The following TMC2 variants were observed in gnomAD, a reference collection of about 807,000 sequenced individuals.
The protein encoded by TMC2 is transmembrane channel like 2.
In TMC2, 102 loss-of-function variants were observed where a neutral mutation model predicts 105.9. That is an observed-to-expected ratio of 0.96 (90% confidence interval 0.82 to 1.14). The LOEUF is 1.14. Among genes scored for constraint, TMC2 ranks in the 50% most tolerant of loss-of-function variants. The probability of loss-of-function intolerance (pLI) is 0.00; values close to 1 mark genes in which losing one functional copy is unlikely to be tolerated. For missense variants in TMC2, 1,093 were observed against 1,134.3 expected, an observed-to-expected ratio of 0.96 and a Z score of 0.52; for synonymous variants, 402 against 422.8, an observed-to-expected ratio of 0.95 and a Z score of 0.60.
chr20:2,608,840 A>C (rs2086413568), intron 11 of TMC2, among the ~76,000 whole-genome samples: 2 of 152,196 alleles, frequency 1.3e-5, no homozygotes, highest in African/African-American at 4.8e-5. Context: ...TTAACTTATT[A>C]TGGAATTATT....
rs552676746 is a variant in TMC2, at chr20:2,614,323, A to G, written c.1872+1001A>G. On this transcript the variant is annotated intron_variant, in intron 14 of 19. Coordinates refer to ENST00000358864, the MANE Select transcript of TMC2 (RefSeq NM_080751.3). ...GAAAAAATATTTAAAAAGAAGAATA[A>G]GGCCAGGTATGGTGGCTCACACCTG... 2.0e-5 allele frequency among the ~76,000 whole-genome samples: 3 copies of G among 152,364 alleles called. 1 individual carries two copies. Among genetic ancestry groups the G allele is most frequent in the East Asian group, 3.9e-4 (2 of 5,192 alleles).
intron 11 of TMC2, among the ~76,000 whole-genome samples, chr20:2,609,045 A>G (rs1326258721): frequency 2.6e-5 from 4 of 152,224 alleles, no homozygotes; most frequent in Non-Finnish European, 5.9e-5. Context: ...TCATAGCACT[A>G]TGGCAGGGTA....
At chr20:2,537,993 CTT>C in intron 2 of TMC2, among the ~76,000 whole-genome samples, 1 of 152,208 alleles carries the variant, frequency 6.6e-6, no homozygotes, top group South Asian at 2.1e-4. Context: ...AAACCAGAAT[CTT>C]GGGGAGTGAT....
intron 11 of TMC2, among the ~76,000 whole-genome samples, chr20:2,603,723 G>A: frequency 6.6e-6 from 1 of 152,200 alleles, no homozygotes; most frequent in East Asian, 1.9e-4. Flanking sequence ...CCAATTTTAA[G>A]TGAAAGCCTG....
chr20:2,576,820 G>A (rs77467600), intron 5 of TMC2, among the ~76,000 whole-genome samples: 4,645 of 151,942 alleles, frequency 0.031, 238 homozygotes, highest in African/African-American at 0.1. Context: ...AGTACTCAAG[G>A]CAAATGCTCT....
intron 7 of TMC2, among the ~76,000 whole-genome samples, chr20:2,589,445 C>T (rs1270474948): frequency 1.3e-5 from 2 of 151,936 alleles, no homozygotes; most frequent in Non-Finnish European, 2.9e-5. Context: ...ATTCTTCAGC[C>T]CTTTGACTAT....
intron 5 of TMC2, 31 bp from the exon 6 acceptor site, chr20:2,579,115 G>A: frequency 7.9e-7 from 1 of 1,264,312 alleles, no homozygotes; most frequent in Non-Finnish European, 1.2e-6. Context: ...GACATGTTAA[G>A]GAACTGAGAG....
chr20:2,626,058 G>C (rs2146259780), intron 17 of TMC2, among the ~76,000 whole-genome samples: 1 of 152,210 alleles, frequency 6.6e-6, no homozygotes, highest in Non-Finnish European at 1.5e-5. Flanking sequence ...CAGACATGTG[G>C]ATGAAAAATT....
In TMC2 at chr20:2,608,295, T is replaced by TTTTA. The variant is rs1219872523; in HGVS notation, c.1414-2117_1414-2114dup. Among the ~76,000 whole-genome samples the TTTTA allele has an allele frequency of 8.2e-4, 108 of 132,246 alleles. 1 individual carries two copies. Among genetic ancestry groups the TTTTA allele is most frequent in the Middle Eastern group, 3.8e-3 (1 of 262 alleles). The allele number at this position is 132,246 out of a possible 152,430, so 86.8% of individuals were successfully genotyped here. On this transcript the variant is annotated intron_variant, in intron 11 of 19. Coordinates refer to ENST00000358864, the MANE Select transcript of TMC2 (RefSeq NM_080751.3). ...CTTACCTTCCCAGTTGTACCCTTAT[T>TTTTA]TTTATTTATTATTATTATTATTATT... is the stretch of plus-strand genomic sequence containing the variant.
At chr20:2,598,112 G>A (rs1317879367) in intron 10 of TMC2, among the ~76,000 whole-genome samples, 1 of 151,926 alleles carries the variant, frequency 6.6e-6, no homozygotes, top group Non-Finnish European at 1.5e-5. Flanking sequence ...CAACACTGAT[G>A]GCTGCGCCAA....
At chr20:2,541,554 T>A (rs2085889790) in intron 2 of TMC2, among the ~76,000 whole-genome samples, 1 of 150,694 alleles carries the variant, frequency 6.6e-6, no homozygotes, top group South Asian at 2.1e-4. Flanking sequence ...GGCACAAGAA[T>A]CTCTTGAATC....
chr20:2,540,970 G>A (rs1415763462), intron 2 of TMC2, among the ~76,000 whole-genome samples: 5 of 152,020 alleles, frequency 3.3e-5, no homozygotes, highest in African/African-American at 7.3e-5. Context: ...CACCCGGGAC[G>A]CAGCTCTGCC....
At chr20:2,570,751 A>G (rs1298909158) in intron 4 of TMC2, among the ~76,000 whole-genome samples, 1 of 152,176 alleles carries the variant, frequency 6.6e-6, no homozygotes, top group African/African-American at 2.4e-5. Flanking sequence ...TTCAAACTAT[A>G]CTATGAGGCT....
rs60192792 is a variant in TMC2 at position 2,616,169 on chromosome 20, T to C, written c.1905T>C (p.Asn635=). ...ATGCTGAGTTTGATATTAGTGGAAA[T>C]GTGCTGGGTTTGATCTTCAACCAAG... ...PSYAEFDISG[N]VLGLIFNQGM... The change falls in exon 15 of 20, where the codon AAT becomes AAC. Residue 635 remains asparagine (N), a synonymous_variant. Coordinates refer to ENST00000358864, the MANE Select transcript of TMC2 (RefSeq NM_080751.3). This position sits in a 1 kb window ranked among gnomAD's most constrained non-coding sequence, Gnocchi z 4.8. 1.9e-4 allele frequency: 314 copies of C among 1,613,662 alleles called. No homozygotes were observed. In the African/African-American group the frequency reaches 3.6e-3, roughly 19 times the overall value.
chr20:2,639,232 C>T (rs1473689311), intron 19 of TMC2, among the ~76,000 whole-genome samples: 3 of 152,272 alleles, frequency 2.0e-5, no homozygotes, highest in Non-Finnish European at 2.9e-5. Context: ...AACCTAAGTG[C>T]GCAGTGTTTA....
chr20:2,641,632 C>T lies in TMC2; in HGVS notation c.*281C>T, dbSNP rs1434189954. Reference sequence around the variant, plus strand: ...CTCTGAACCCCACGCTCACAGTGGTCGACCTTGCCTCCCGATTTTCGGAGT... The same window carrying T: ...CTCTGAACCCCACGCTCACAGTGGTTGACCTTGCCTCCCGATTTTCGGAGT... On this transcript the variant is annotated 3_prime_UTR_variant, in exon 20 of 20. Transcript: ENST00000358864. 2 of 364,810 alleles carry T rather than the reference C, an allele frequency of 5.5e-6. No homozygotes were observed. The highest frequency in any genetic ancestry group is 4.6e-5 in the East Asian group (1 of 21,966). The allele number at this position is 364,810 out of a possible 1,614,324, so 22.6% of individuals were successfully genotyped here.
At chr20:2,621,239 G>C (rs970436645) in intron 16 of TMC2, among the ~76,000 whole-genome samples, 18 of 151,976 alleles carry the variant, frequency 1.2e-4, no homozygotes, top group African/African-American at 3.9e-4. Flanking sequence ...GTGCGTGCCT[G>C]TAATCCCAGC....
chr20:2,555,229 C>T (rs767446336), intron 2 of TMC2, among the ~76,000 whole-genome samples: 28 of 152,058 alleles, frequency 1.8e-4, no homozygotes, highest in Non-Finnish European at 2.9e-4. Flanking sequence ...TACAGGCATG[C>T]GCCACGATGC....
chr20:2,557,973 T>G (rs2085994975), intron 2 of TMC2, among the ~76,000 whole-genome samples: 1 of 152,224 alleles, frequency 6.6e-6, no homozygotes, highest in African/African-American at 2.4e-5. Context: ...GCATCCAATT[T>G]TATTTAATGT....
Sources: allele counts gnomAD v4.1 joint callset (sites outside exome capture counted in the v4.1 genomes callset), GRCh38; gene constraint gnomAD v4.1.1; non-coding constraint Gnocchi (gnomAD v3.1); transcripts MANE v1.5; gene names NCBI Gene and HGNC (gene_info 2026-07-23, HGNC 2026-07-21).